The following ZNRF3 variants were observed in gnomAD, a reference collection of about 807,000 sequenced individuals.
ZNRF3 encodes E3 ubiquitin-protein ligase ZNRF3.
Under a neutral mutation model 72.5 loss-of-function variants are expected in ZNRF3, and 23 were observed. That is an observed-to-expected ratio of 0.32 (90% CI 0.23 to 0.45). ZNRF3 has a LOEUF of 0.45. ZNRF3 is among the 20% of genes least tolerant of loss of function. ZNRF3 has a pLI of 1.00. For missense variants in ZNRF3, 1,169 were observed against 1,272.1 expected (o/e 0.92, Z 1.23); for synonymous variants, 610 against 545.3 (o/e 1.12, Z -1.65).
chr22:29,046,299 T>G (rs556634316), intron 5 of ZNRF3, among the ~76,000 whole-genome samples: 34 of 152,276 alleles, frequency 2.2e-4, no homozygotes, highest in Non-Finnish European at 4.0e-4. Flanking sequence ...TGGCTTGTGT[T>G]TTTTGAGCAC....
intron 6 of ZNRF3, among the ~76,000 whole-genome samples, chr22:29,047,310 CA>C (rs2037093262): frequency 6.6e-6 from 1 of 152,180 alleles, no homozygotes; most frequent in African/African-American, 2.4e-5. Context: ...CGATATATGT[CA>C]GGGGCCTAGA....
chr22:28,956,750 G>A (rs1470325307), intron 1 of ZNRF3, among the ~76,000 whole-genome samples: 2 of 152,178 alleles, frequency 1.3e-5, no homozygotes, highest in African/African-American at 4.8e-5. Context: ...TCTGCTTCTT[G>A]AGACTTCTCT....
intron 2 of ZNRF3, among the ~76,000 whole-genome samples, chr22:28,995,855 A>G (rs2036037806): frequency 6.6e-6 from 1 of 151,890 alleles, no homozygotes; most frequent in African/African-American, 2.4e-5. Context: ...GGCTCACTGC[A>G]ACCTCTGTGC....
chr22:29,025,473 G>A (rs1455537569), intron 2 of ZNRF3: 3 of 152,120 alleles, frequency 2.0e-5, no homozygotes, highest in Non-Finnish European at 2.9e-5. Context: ...CATTGCAGAA[G>A]TGTATTGAGC....
intron 1 of ZNRF3, among the ~76,000 whole-genome samples, chr22:28,955,929 C>A (rs1465949196): frequency 6.6e-6 from 1 of 152,034 alleles, no homozygotes; most frequent in African/African-American, 2.4e-5. Flanking sequence ...AAAAGAAAAC[C>A]ACATCAGTAA....
Position 29,050,584 on chromosome 22 carries a change from C to G in ZNRF3, c.2403C>G (p.Asp801Glu), listed in dbSNP as rs2037183842. Residue 801 changes from aspartate to glutamate, a missense_variant, in exon 8 of 9, where the codon GAC becomes GAG. This residue lies in a region of ZNRF3 where 783 missense variants were observed against 731.4 expected (regional missense o/e 1.07). Coordinates refer to ENST00000544604, the MANE Select transcript of ZNRF3 (RefSeq NM_001206998.2). ...GGGGCAGCGGCTGCTACACTGAGGA[C>G]TACTCGGTGAGTGTGCAGTACACGC... ...GGGGSGCYTE[D>E]YSVSVQYTLT... The G allele has an allele frequency of 3.7e-6, 6 of 1,608,380 alleles. No individual in the cohort carries two copies. The highest frequency in any genetic ancestry group is 5.1e-6 in the Non-Finnish European group (6 of 1,177,834).
intron 2 of ZNRF3, among the ~76,000 whole-genome samples, chr22:29,038,191 T>C (rs1680543796): frequency 6.6e-6 from 1 of 152,176 alleles, no homozygotes; most frequent in Non-Finnish European, 1.5e-5. Flanking sequence ...GGTCTAGGTT[T>C]GTTTTGAAAT....
At chr22:28,904,624 C>T (rs2034170367) in intron 1 of ZNRF3, among the ~76,000 whole-genome samples, 1 of 152,154 alleles carries the variant, frequency 6.6e-6, no homozygotes, top group African/African-American at 2.4e-5. Context: ...TCTCTTTTAA[C>T]TGGAGCAAAA....
chr22:28,982,160 G>A (rs2035775317), intron 1 of ZNRF3, among the ~76,000 whole-genome samples: 1 of 152,044 alleles, frequency 6.6e-6, no homozygotes, highest in Non-Finnish European at 1.5e-5. Context: ...TTGACTAATA[G>A]GACTTTCATG....
intron 1 of ZNRF3, among the ~76,000 whole-genome samples, chr22:28,903,241 GAC>G (rs1299491379): frequency 6.6e-6 from 1 of 152,312 alleles, no homozygotes; most frequent in African/African-American, 2.4e-5. Flanking sequence ...TGCACACACA[GAC>G]ACACACACGC....
Position 28,987,162 on chromosome 22 carries a change from A to T in ZNRF3, c.387A>T (p.Pro129=). The T allele has an allele frequency of 6.2e-7, 1 of 1,614,008 alleles. No homozygotes were observed. Among genetic ancestry groups the T allele is most frequent in the South Asian group, 1.1e-5 (1 of 90,992 alleles). Residue 129 remains proline, a synonymous_variant, in exon 2 of 9, where the codon CCA becomes CCT. Coordinates refer to ENST00000544604, the MANE Select transcript of ZNRF3 (RefSeq NM_001206998.2). ...TAGGAGTGGTGAAGCTGGAACAGCC[A>T]GAATTGGACCCGAAACCATGCCTCA... The part of the protein sequence containing the change: ...GWVGVVKLEQ[P]ELDPKPCLTV...
intron 1 of ZNRF3, among the ~76,000 whole-genome samples, chr22:28,909,747 A>ATTTTTTTTT (rs11432409): frequency 1.8e-5 from 2 of 113,888 alleles, no homozygotes; most frequent in Non-Finnish European, 3.5e-5. Context: ...TGCCTGGCTA[A>ATTTTTTTTT]TTTTTTTTTT....
chr22:28,979,866 C>T (rs1395852644), intron 1 of ZNRF3, among the ~76,000 whole-genome samples: 2 of 152,174 alleles, frequency 1.3e-5, no homozygotes, highest in Non-Finnish European at 2.9e-5. Context: ...AACCAGTAAG[C>T]ACCATACAAA....
At chr22:28,982,978 G>A (rs1201759347) in intron 1 of ZNRF3, among the ~76,000 whole-genome samples, 1 of 152,192 alleles carries the variant, frequency 6.6e-6, no homozygotes, top group Non-Finnish European at 1.5e-5. Flanking sequence ...AGGAGCTCAG[G>A]AGAGAGGGAA....
chr22:28,962,977 A>G (rs1405715504), intron 1 of ZNRF3, among the ~76,000 whole-genome samples: 1 of 152,232 alleles, frequency 6.6e-6, no homozygotes, highest in African/African-American at 2.4e-5. Context: ...TTGTGACTTC[A>G]CCATATACAT....
chr22:29,020,930 A>AG (rs1352383445), intron 2 of ZNRF3, among the ~76,000 whole-genome samples: 1 of 151,798 alleles, frequency 6.6e-6, no homozygotes, highest in African/African-American at 2.4e-5. Flanking sequence ...CTGAGTAGCT[A>AG]GGATTACAGG....
intron 1 of ZNRF3, among the ~76,000 whole-genome samples, chr22:28,920,083 C>T (rs1569246075): frequency 2.0e-5 from 3 of 151,632 alleles, no homozygotes. Flanking sequence ...AATTCTCGTG[C>T]CTCAGCCTCC....
At chr22:28,943,894 G>A (rs945706053) in intron 1 of ZNRF3, among the ~76,000 whole-genome samples, 1 of 151,978 alleles carries the variant, frequency 6.6e-6, no homozygotes, top group African/African-American at 2.4e-5. Flanking sequence ...TGCATGGACA[G>A]CTTATGATGT....
chr22:29,040,642 C>G (rs2036945236), intron 2 of ZNRF3, among the ~76,000 whole-genome samples: 1 of 152,172 alleles, frequency 6.6e-6, no homozygotes, highest in Non-Finnish European at 1.5e-5. Context: ...GGTGATGAAA[C>G]AGGGTGTGGT....
Sources: gnomAD v4.1 joint callset for allele counts (sites outside exome capture counted in the v4.1 genomes callset) on GRCh38, gnomAD v4.1.1 for gene constraint, gnomAD v4.1.1 regional missense constraint, MANE v1.5 for transcripts, NCBI Gene and HGNC (gene_info 2026-07-23, HGNC 2026-07-21) for gene names.